FMN2: variants seen among roughly 807,000 people sequenced by gnomAD.
FMN2 encodes formin 2, also known as formin-2.
Under a neutral mutation model 142.3 loss-of-function variants are expected in FMN2, and 51 were observed. That is an observed-to-expected ratio of 0.36 (90% CI 0.29 to 0.45). The LOEUF is 0.45. Ranked by LOEUF, FMN2 falls within the 20% of genes least tolerant of loss-of-function variation. The pLI is 1.00. For missense variants in FMN2, 1,936 were observed against 2,122.8 expected, an observed-to-expected ratio of 0.91 and a Z score of 1.73; for synonymous variants, 882 against 869.8, an observed-to-expected ratio of 1.01 and a Z score of -0.25.
rs1477105582 is a variant in FMN2, at chr1:240,329,373, TC to T, written c.4343del (p.Ser1448Ter). On this transcript the variant is annotated frameshift_variant, in exon 10 of 18. Coordinates refer to ENST00000319653, the MANE Select transcript of FMN2 (RefSeq NM_020066.5). LOFTEE classifies it high-confidence loss of function. ...TGAACTGTCACTAATCCCCAACTTT[TC>T]AGAGCGAGTCTTTTGCATCCTGTTC... is the stretch of plus-strand genomic sequence containing the variant. ...LYELSLIPNF[S>X]ERVFCILFQS... is the part of the protein sequence containing the mutation. 6.2e-7 allele frequency: 1 copy of T among 1,613,824 alleles called. No homozygotes were observed. The highest frequency in any genetic ancestry group is 1.7e-5 in the Admixed American group (1 of 59,934).
chr1:240,184,788 T>A (rs1665329603), intron 3 of FMN2, among the ~76,000 whole-genome samples: 1 of 151,834 alleles, frequency 6.6e-6, no homozygotes, highest in Admixed American at 6.6e-5. Flanking sequence ...TCACTTTCAT[T>A]TAGGGAGCTC....
chr1:240,368,524 A>G (rs958998011), intron 14 of FMN2, among the ~76,000 whole-genome samples: 1 of 152,150 alleles, frequency 6.6e-6, no homozygotes, highest in African/African-American at 2.4e-5. Context: ...GTAAAATTCA[A>G]ATAGCTTACA....
chr1:240,325,000 G>A (rs1392590074), intron 8 of FMN2, among the ~76,000 whole-genome samples: 1 of 152,126 alleles, frequency 6.6e-6, no homozygotes, highest in Non-Finnish European at 1.5e-5. Context: ...ATGGATTCAG[G>A]TGTACCACTA....
chr1:240,432,192 G>A (rs963875329), intron 15 of FMN2, among the ~76,000 whole-genome samples: 7 of 151,786 alleles, frequency 4.6e-5, no homozygotes, highest in Non-Finnish European at 7.4e-5. Context: ...CTTAGATTTA[G>A]GGGTACTTAT....
chr1:240,448,678 T>C (rs1478319472), intron 16 of FMN2, among the ~76,000 whole-genome samples: 4 of 151,830 alleles, frequency 2.6e-5, no homozygotes, highest in African/African-American at 9.7e-5. Context: ...AAAATTAGCT[T>C]GGCATGGTGG....
intron 8 of FMN2, among the ~76,000 whole-genome samples, chr1:240,324,688 AGAGAGAGG>A (rs1309750524): frequency 6.7e-5 from 9 of 135,238 alleles, no homozygotes; most frequent in Admixed American, 6.1e-4. Context: ...AGAGAGAGAG[AGAGAGAGG>A]GAGGGAGGGA....
chr1:240,285,125 A>T (rs527633278), intron 7 of FMN2: 3 of 425,358 alleles, frequency 7.1e-6, no homozygotes, highest in Non-Finnish European at 1.4e-5. Context: ...ATTTTGTTCA[A>T]TTAGGAGGGT....
chr1:240,357,530 T>A (rs1478381543), intron 14 of FMN2, among the ~76,000 whole-genome samples: 2 of 152,158 alleles, frequency 1.3e-5, no homozygotes, highest in African/African-American at 4.8e-5. Flanking sequence ...GTCTAGTAGT[T>A]CCCTGGTAGG....
chr1:240,255,832 C>T (rs1391026941), intron 6 of FMN2, among the ~76,000 whole-genome samples: 1 of 152,046 alleles, frequency 6.6e-6, no homozygotes, highest in African/African-American at 2.4e-5. Context: ...GTTGAAGATG[C>T]AGACATGTAT....
chr1:240,370,842 G>C (rs1558457886), intron 14 of FMN2, among the ~76,000 whole-genome samples: 2 of 152,222 alleles, frequency 1.3e-5, no homozygotes, highest in East Asian at 3.9e-4. Context: ...AATAATGTTA[G>C]TATAATAAAT....
chr1:240,116,843 G>A (rs763430933), intron 1 of FMN2, among the ~76,000 whole-genome samples: 86 of 152,162 alleles, frequency 5.7e-4, no homozygotes, highest in Non-Finnish European at 1.1e-3. Context: ...TCAAATTAGA[G>A]CAGACTGAGC....
chr1:240,363,724 A>G (rs530519488), intron 14 of FMN2, among the ~76,000 whole-genome samples: 2 of 152,052 alleles, frequency 1.3e-5, no homozygotes, highest in Admixed American at 6.5e-5. Context: ...CACGTCCCCA[A>G]CTCTGTTTCT....
intron 8 of FMN2, among the ~76,000 whole-genome samples, chr1:240,321,817 G>GA (rs1418406657): frequency 6.6e-6 from 1 of 151,832 alleles, no homozygotes; most frequent in Non-Finnish European, 1.5e-5. Context: ...CTAATTTAAA[G>GA]AAAAAAATCA....
intron 2 of FMN2, among the ~76,000 whole-genome samples, chr1:240,150,299 A>G (rs1663707916): frequency 6.6e-6 from 1 of 152,262 alleles, no homozygotes; most frequent in South Asian, 2.1e-4. Context: ...CATCAGACAT[A>G]GTCAACAAAT....
At chr1:240,231,083 G>T (rs575585538) in intron 6 of FMN2, among the ~76,000 whole-genome samples, 1 of 131,592 alleles carries the variant, frequency 7.6e-6, no homozygotes, top group South Asian at 2.4e-4. Context: ...CTGTTGTGTT[G>T]TAAGTAAAAA....
intron 16 of FMN2, among the ~76,000 whole-genome samples, chr1:240,461,997 T>C (rs770337474): frequency 2.6e-5 from 4 of 152,150 alleles, no homozygotes; most frequent in Non-Finnish European, 4.4e-5. Flanking sequence ...TCTATATAAA[T>C]TTTACCAGTT....
At chr1:240,199,729 AT>A (rs756949279) in intron 4 of FMN2, among the ~76,000 whole-genome samples, 1 of 152,170 alleles carries the variant, frequency 6.6e-6, no homozygotes, top group African/African-American at 2.4e-5. Flanking sequence ...TTGAAACAGT[AT>A]TTTAAAGTAC....
At chr1:240,387,929 G>A (rs1362340407) in intron 14 of FMN2, among the ~76,000 whole-genome samples, 4 of 152,144 alleles carry the variant, frequency 2.6e-5, no homozygotes, top group African/African-American at 9.6e-5. Context: ...TGTAATCCCA[G>A]CACTTTGGGA....
chr1:240,417,695 A>G (rs1674622258), intron 15 of FMN2, among the ~76,000 whole-genome samples: 1 of 152,126 alleles, frequency 6.6e-6, no homozygotes, highest in Non-Finnish European at 1.5e-5. Context: ...GACTCTTCAT[A>G]TTGGACTATT....
Sources: allele counts gnomAD v4.1 joint callset (sites outside exome capture counted in the v4.1 genomes callset), GRCh38; gene constraint gnomAD v4.1.1; transcripts MANE v1.5; gene names NCBI Gene and HGNC (gene_info 2026-07-23, HGNC 2026-07-21).